ATG4B: variants seen among roughly 807,000 people sequenced by gnomAD.
ATG4B encodes cysteine protease ATG4B.
In ATG4B, 29 loss-of-function variants were observed where a neutral mutation model predicts 56.6. The observed-to-expected ratio is 0.51, with a 90% CI of 0.38 to 0.70. ATG4B has a LOEUF of 0.70. Among genes scored for constraint, ATG4B ranks in the 30% least tolerant of loss-of-function variants. The pLI, the probability that ATG4B is intolerant of heterozygous loss-of-function variation, is 0.00. For missense variants in ATG4B, 461 were observed against 515.5 expected, an observed-to-expected ratio of 0.89 and a Z score of 1.02; for synonymous variants, 224 against 206.1, an observed-to-expected ratio of 1.09 and a Z score of -0.74.
rs1253702234 is a variant in ATG4B, at chr2:241,673,717, G to A, written c.*1453G>A. ...CGCCGCTGTGCTGGGAGCTGCAGTGGTAATGTGTGGGACACCTTGACCAAA... is the reference window on the plus strand; with the variant it reads ...CGCCGCTGTGCTGGGAGCTGCAGTGATAATGTGTGGGACACCTTGACCAAA... On this transcript the variant is annotated 3_prime_UTR_variant, in exon 13 of 13. Transcript: ENST00000404914. 2.0e-5 allele frequency: 9 copies of A among 455,582 alleles called. No homozygotes were observed. The allele number at this position is 455,582 out of a possible 1,614,324, so 28.2% of individuals were successfully genotyped here. A position where few individuals can be genotyped will look rare whatever the true frequency, so the allele number is the denominator to read the frequency against.
At chr2:241,642,924 A>ACTGG (rs1208467223) in intron 1 of ATG4B, among the ~76,000 whole-genome samples, 73 of 125,450 alleles carry the variant, frequency 5.8e-4, no homozygotes, top group African/African-American at 2.1e-3. Flanking sequence ...TGTCGCCCAG[A>ACTGG]CTGGCTGGAG....
rs1289214633 is a variant in ATG4B at position 241,668,244 on chromosome 2, G to C, written c.811+23G>C. On this transcript the variant is annotated intron_variant, in intron 9 of 12. Transcript: ENST00000404914. This position sits in a 1 kb window ranked among gnomAD's most constrained non-coding sequence, Gnocchi z 4.2. ...TTGGTGAGTCCAGGGTTCCCACCGTGTCCCTGTGGGCCTGGGCCTTTTAAG... is the reference window on the plus strand; with the variant it reads ...TTGGTGAGTCCAGGGTTCCCACCGTCTCCCTGTGGGCCTGGGCCTTTTAAG... 6 of 1,575,288 alleles carry C rather than the reference G, an allele frequency of 3.8e-6. No individual in the cohort carries two copies. The African/African-American group carries it at 6.8e-5, about 18-fold the overall frequency.
At chr2:241,652,037 G>A in intron 3 of ATG4B, 1 of 1,211,870 alleles carries the variant, frequency 8.3e-7, no homozygotes, top group Non-Finnish European at 1.1e-6. Flanking sequence ...CCTCTTCTAG[G>A]GGTGGTTTCA....
intron 1 of ATG4B, among the ~76,000 whole-genome samples, chr2:241,647,659 C>A (rs1046762904): frequency 6.6e-6 from 1 of 150,888 alleles, no homozygotes; most frequent in Non-Finnish European, 1.5e-5. Context: ...GAAATTAGAC[C>A]GGTGGTGTTT....
At chr2:241,647,945 C>G (rs1050342824) in intron 1 of ATG4B, among the ~76,000 whole-genome samples, 2 of 151,936 alleles carry the variant, frequency 1.3e-5, no homozygotes, top group East Asian at 3.9e-4. Context: ...GAAACCCTGT[C>G]TCTACTAAAA....
intron 7 of ATG4B, among the ~76,000 whole-genome samples, chr2:241,664,809 C>T (rs2068709605): frequency 6.6e-6 from 1 of 152,016 alleles, no homozygotes; most frequent in South Asian, 2.1e-4. Context: ...ACTAAAAATA[C>T]AAAAATTAGC....
At chr2:241,658,329 G>A (rs573279945) in intron 6 of ATG4B, among the ~76,000 whole-genome samples, 96 of 152,124 alleles carry the variant, frequency 6.3e-4, no homozygotes, top group Non-Finnish European at 1.1e-3. Context: ...GGCAGTGGGG[G>A]GCAGGCTGTC....
At chr2:241,652,914 G>A (rs1253504871) in intron 3 of ATG4B, among the ~76,000 whole-genome samples, 1 of 152,236 alleles carries the variant, frequency 6.6e-6, no homozygotes, top group Non-Finnish European at 1.5e-5. Context: ...CTGCTGCACA[G>A]GTGGCCCTCT....
At chr2:241,660,849 T>C (rs1013647294) in intron 7 of ATG4B, among the ~76,000 whole-genome samples, 8 of 152,186 alleles carry the variant, frequency 5.3e-5, no homozygotes, top group African/African-American at 1.9e-4. Context: ...ACCCCCTCGT[T>C]CCGCACGCGT....
intron 1 of ATG4B, among the ~76,000 whole-genome samples, chr2:241,643,701 C>T (rs1439191107): frequency 7.6e-6 from 1 of 130,968 alleles, no homozygotes; most frequent in African/African-American, 3.3e-5. Context: ...TTTTCCCCCC[C>T]CCCCGTCGTC....
Position 241,637,743 on chromosome 2 carries a change from T to G in ATG4B, c.10+19T>G. 1 of 1,571,166 alleles carries G rather than the reference T, an allele frequency of 6.4e-7. No individual in the cohort carries two copies. The highest frequency in any genetic ancestry group is 8.6e-7 in the Non-Finnish European group (1 of 1,162,796). On this transcript the variant is annotated intron_variant, in intron 1 of 12. Transcript: ENST00000404914. ...GACGCAGGTGAGGAGTTGCCGGGGGTCGGTCTTTCCGCAGGAGGTGCTCGC... is the reference window on the plus strand; with the variant it reads ...GACGCAGGTGAGGAGTTGCCGGGGGGCGGTCTTTCCGCAGGAGGTGCTCGC...
intron 7 of ATG4B, among the ~76,000 whole-genome samples, chr2:241,660,094 G>A (rs747137207): frequency 1.8e-4 from 27 of 152,198 alleles, no homozygotes; most frequent in Non-Finnish European, 3.4e-4. Flanking sequence ...GGAGGCTGAG[G>A]CAGAAGAATC....
chr2:241,651,397 A>G lies in ATG4B; in HGVS notation c.184+62A>G. 1 of 1,303,004 alleles carries G rather than the reference A, an allele frequency of 7.7e-7. No homozygotes were observed. Among genetic ancestry groups the G allele is most frequent in the Non-Finnish European group, 1.1e-6 (1 of 933,342 alleles). The allele number at this position is 1,303,004 out of a possible 1,614,324, so 80.7% of individuals were successfully genotyped here. ...ATGTTTTTAGGAAGGAGGAAAACTT[A>G]CGCTTGTAGATTTGACTTCAATATG... On this transcript the variant is annotated intron_variant, in intron 3 of 12. Transcript: ENST00000404914. This position sits in a 1 kb window ranked among gnomAD's most constrained non-coding sequence, Gnocchi z 4.1.
At chr2:241,657,486 G>T (rs1450973039) in intron 6 of ATG4B, among the ~76,000 whole-genome samples, 2 of 150,092 alleles carry the variant, frequency 1.3e-5, no homozygotes, top group African/African-American at 4.9e-5. Flanking sequence ...TGTATTTTTA[G>T]TGGAGACAAG....
intron 7 of ATG4B, among the ~76,000 whole-genome samples, chr2:241,666,161 C>T (rs891607743): frequency 2.6e-5 from 4 of 152,252 alleles, no homozygotes; most frequent in African/African-American, 9.6e-5. Flanking sequence ...CGGGCATGCT[C>T]CATGCTCCCG....
At chr2:241,671,931 C>T (rs2068988658) in intron 12 of ATG4B, 16 of 1,380,072 alleles carry the variant, frequency 1.2e-5, no homozygotes, top group South Asian at 1.6e-5. Flanking sequence ...GAGGGTCAGA[C>T]GCGGGACAGA....
At chr2:241,644,597 G>A (rs961189698) in intron 1 of ATG4B, among the ~76,000 whole-genome samples, 5 of 152,290 alleles carry the variant, frequency 3.3e-5, no homozygotes, top group East Asian at 3.9e-4. Flanking sequence ...TTGGCCGGGC[G>A]CGGTCTGCCT....
In ATG4B at chr2:241,666,831, C is replaced by CG; in HGVS notation, c.726dup (p.Leu243AlafsTer30). The CG allele has an allele frequency of 6.4e-7, 1 of 1,560,934 alleles. No individual in the cohort carries two copies. ...GACATCAACGAGGCCTACGTGGAGA[C>CG]GCTGAAGGTGGGTCCTGCCGTGCGG... On this transcript the variant is annotated frameshift_variant, in exon 8 of 13. Coordinates refer to ENST00000404914, the MANE Select transcript of ATG4B (RefSeq NM_013325.5). LOFTEE classifies it high-confidence loss of function.
At chr2:241,645,122 T>G (rs1215648148) in intron 1 of ATG4B, among the ~76,000 whole-genome samples, 1 of 152,040 alleles carries the variant, frequency 6.6e-6, no homozygotes, top group Non-Finnish European at 1.5e-5. Context: ...CCAGGAGGGG[T>G]GAGTTCTGCT....
Sources: allele counts gnomAD v4.1 joint callset (sites outside exome capture counted in the v4.1 genomes callset), GRCh38; gene constraint gnomAD v4.1.1; non-coding constraint Gnocchi (gnomAD v3.1); transcripts MANE v1.5; gene names NCBI Gene and HGNC (gene_info 2026-07-23, HGNC 2026-07-21).